The following TSC22D3 variants were observed in gnomAD, a reference collection of about 807,000 sequenced individuals.
The protein encoded by TSC22D3 is TSC22 domain family protein 3.
TSC22D3 carries 4 observed loss-of-function variants against 11.1 expected under a neutral mutation model. The observed-to-expected ratio is 0.36, with a 90% CI of 0.18 to 0.83. The LOEUF (loss-of-function observed/expected upper bound fraction) is 0.83, where lower values mean the gene tolerates loss of function less well. TSC22D3 is among the 40% of genes least tolerant of loss of function. The pLI, the probability that TSC22D3 is intolerant of heterozygous loss-of-function variation, is 0.48. For synonymous variants in TSC22D3, 77 were observed against 70.3 expected (o/e 1.10, Z -0.48); for missense variants, 118 against 159.4 (o/e 0.74, Z 1.40).
chrX:107,715,296 C>G (rs919994521), intron 2 of TSC22D3, among the ~76,000 whole-genome samples: 1 of 112,222 alleles, frequency 8.9e-6, no homozygotes, highest in African/African-American at 3.2e-5. Context: ...GGACATTGGC[C>G]TTGGGGAAAG....
intron 1 of TSC22D3, among the ~76,000 whole-genome samples, chrX:107,763,449 A>G (rs1487447767): frequency 9.1e-6 from 1 of 110,053 alleles, no homozygotes; most frequent in Non-Finnish European, 1.9e-5. Context: ...TCAAATGAAC[A>G]CTCTTTGGGG....
At chrX:107,733,114 A>T (rs1443397640) in intron 1 of TSC22D3, among the ~76,000 whole-genome samples, 1 of 110,034 alleles carries the variant, frequency 9.1e-6, no homozygotes, top group Non-Finnish European at 1.9e-5. Context: ...AAAAAAAAAA[A>T]AAAAATTATC....
intron 1 of TSC22D3, among the ~76,000 whole-genome samples, chrX:107,759,535 G>C (rs768391145): frequency 8.9e-6 from 1 of 111,957 alleles, no homozygotes; most frequent in South Asian, 3.7e-4. Flanking sequence ...GTCTGGACTC[G>C]AACCCAAATC....
chrX:107,744,463 A>G lies in TSC22D3; in HGVS notation c.321-28513T>C, dbSNP rs181168566. Among the ~76,000 whole-genome samples, 28 of 110,995 alleles carry G rather than the reference A, an allele frequency of 2.5e-4. No homozygotes were observed. The East Asian group carries it at 7.3e-3, about 29-fold the overall frequency. On this transcript the variant is annotated intron_variant, in intron 1 of 2. Transcript: ENST00000372383. The stretch of plus-strand genomic sequence containing the variant: ...GCCACTGCACTCCAGCCTGGGTGAT[A>G]CAGTGAGACTCCGTTTCAAAAAAAT...
At chrX:107,760,177 C>T (rs894811359) in intron 1 of TSC22D3, among the ~76,000 whole-genome samples, 1 of 113,066 alleles carries the variant, frequency 8.8e-6, no homozygotes, top group Admixed American at 9.3e-5. Context: ...CTTTCTGTCC[C>T]CCTTGCATGA....
At chrX:107,717,814 G>T (rs1028143362) in intron 1 of TSC22D3, among the ~76,000 whole-genome samples, 23 of 112,097 alleles carry the variant, frequency 2.1e-4, no homozygotes, top group African/African-American at 7.5e-4. Flanking sequence ...AGGAGACAGG[G>T]TATTGGAGTG....
At chrX:107,721,264 C>G (rs139563030) in intron 1 of TSC22D3, among the ~76,000 whole-genome samples, 8 of 112,321 alleles carry the variant, frequency 7.1e-5, no homozygotes, top group Non-Finnish European at 1.3e-4. Flanking sequence ...AGCATATTCC[C>G]TTTGAGCTGA....
chrX:107,772,774 C>A (rs1420801835), intron 1 of TSC22D3, among the ~76,000 whole-genome samples: 1 of 111,388 alleles, frequency 9.0e-6, no homozygotes, highest in Non-Finnish European at 1.9e-5. Flanking sequence ...TCGATGGAGC[C>A]CAGGAGTTTG....
At chrX:107,775,923 C>G (rs1274997557), upstream of TSC22D3, 2 of 114,219 alleles carry the variant, frequency 1.8e-5, no homozygotes, top group African/African-American at 6.4e-5. Flanking sequence ...TGAGCGGTGG[C>G]AGGAGCTGAG....
chrX:107,715,670 G>T (rs973882047), intron 2 of TSC22D3: 76 of 459,020 alleles, frequency 1.7e-4, no homozygotes, highest in Non-Finnish European at 2.8e-4. Context: ...GCAAAGACCT[G>T]AGATGGAGGA....
intron 1 of TSC22D3, among the ~76,000 whole-genome samples, chrX:107,771,548 G>A (rs1176617826): frequency 8.9e-6 from 1 of 112,185 alleles, no homozygotes; most frequent in Non-Finnish European, 1.9e-5. Flanking sequence ...TCGTGCCACT[G>A]CACTCCAGCC....
intron 1 of TSC22D3, among the ~76,000 whole-genome samples, chrX:107,737,688 A>G (rs984956418): frequency 8.0e-5 from 9 of 111,944 alleles, no homozygotes; most frequent in African/African-American, 2.9e-4. Flanking sequence ...TTGTGAGTTG[A>G]TTCCAACCTG....
chrX:107,771,311 G>A (rs770855519), intron 1 of TSC22D3, among the ~76,000 whole-genome samples: 3 of 112,411 alleles, frequency 2.7e-5, no homozygotes, highest in South Asian at 7.4e-4. Context: ...TTGGTCGGGC[G>A]CAGTGGCTCA....
chrX:107,734,877 G>A (rs1412803845), intron 1 of TSC22D3, among the ~76,000 whole-genome samples: 1 of 31,257 alleles, frequency 3.2e-5, no homozygotes, highest in Non-Finnish European at 4.2e-5. Context: ...ACAACTCTAC[G>A]TAAAAAAAAA....
intron 1 of TSC22D3, among the ~76,000 whole-genome samples, chrX:107,737,899 GT>G (rs1187978272): frequency 2.3e-4 from 26 of 112,144 alleles, no homozygotes; most frequent in African/African-American, 8.1e-4. Flanking sequence ...GGGAATAAGT[GT>G]GTGCCATCGT....
At chrX:107,746,656 T>G (rs769798309) in intron 1 of TSC22D3, among the ~76,000 whole-genome samples, 13 of 112,017 alleles carry the variant, frequency 1.2e-4, no homozygotes, top group Non-Finnish European at 2.3e-4. Flanking sequence ...ATACCTTTTT[T>G]GCATACAGCA....
At position 107,775,180 on chromosome X, in the gene TSC22D3, G is replaced by C; in HGVS notation, c.240C>G (p.Asp80Glu). 1.7e-6 allele frequency: 2 copies of C among 1,212,058 alleles called. No individual in the cohort carries two copies. Among genetic ancestry groups the C allele is most frequent in the Non-Finnish European group, 2.2e-6 (2 of 895,594 alleles). Residue 80 changes from aspartate to glutamate, a missense_variant, in exon 1 of 3, where the codon GAC (aspartate) becomes GAG (glutamate). Transcript: ENST00000372383. ...RQDSLEPVLR[D>E]PCYLINEGIC... ...TGCCCTCGTTGATCAGGTAGCAGGG[G>C]TCCCGCAGCACCGGCTCTAGCGAAT...
chrX:107,756,352 T>C (rs1421621556), intron 1 of TSC22D3, among the ~76,000 whole-genome samples: 1 of 112,589 alleles, frequency 8.9e-6, no homozygotes, highest in Admixed American at 9.4e-5. Context: ...GGAGTGGATG[T>C]GTTAGCTGTA....
chrX:107,766,621 C>T (rs1189742738), intron 1 of TSC22D3, among the ~76,000 whole-genome samples: 2 of 110,933 alleles, frequency 1.8e-5, no homozygotes, highest in Non-Finnish European at 3.8e-5. Context: ...TCCCTGCCAC[C>T]TCCAAAATGC....
Sources: gnomAD v4.1 joint callset for allele counts (sites outside exome capture counted in the v4.1 genomes callset) on GRCh38, gnomAD v4.1.1 for gene constraint, MANE v1.5 for transcripts, NCBI Gene and HGNC (gene_info 2026-07-23, HGNC 2026-07-21) for gene names.